TRPM2: variants seen among roughly 807,000 people sequenced by gnomAD.
TRPM2 encodes transient receptor potential cation channel subfamily M member 2, also known as estrogen-responsive element-associated gene 1 protein.
Under a neutral mutation model 174.0 loss-of-function variants are expected in TRPM2, and 161 were observed. The observed-to-expected ratio is 0.93, with a 90% CI of 0.81 to 1.05. TRPM2 has a LOEUF of 1.05. Ranked by LOEUF, TRPM2 falls within the 50% of genes least tolerant of loss-of-function variation. The pLI is 0.00. For synonymous variants in TRPM2, 954 were observed against 861.3 expected, an observed-to-expected ratio of 1.11 and a Z score of -1.88; for missense variants, 2,057 against 2,038.0, an observed-to-expected ratio of 1.01 and a Z score of -0.18.
At position 44,362,351 on chromosome 21, in the gene TRPM2, A is replaced by C. The variant is rs1316760174; in HGVS notation, c.255-1763A>C. Among the ~76,000 whole-genome samples, 30 of 147,866 alleles carry C rather than the reference A, an allele frequency of 2.0e-4. 1 individual carries two copies. In the South Asian group the frequency reaches 5.9e-3, roughly 29 times the overall value. On this transcript the variant is annotated intron_variant, in intron 2 of 31. Coordinates refer to ENST00000397928, the MANE Select transcript of TRPM2 (RefSeq NM_003307.4). The stretch of plus-strand genomic sequence containing the variant: ...AACCCCGTCTCTACTAAAAATACAA[A>C]AAAAAAAAAAAAAAGCCAGATGTGG...
intron 19 of TRPM2, among the ~76,000 whole-genome samples, chr21:44,407,173 GT>G (rs1480470396): frequency 6.9e-4 from 1 of 1,446 alleles, no homozygotes; most frequent in African/African-American, 2.4e-3. Flanking sequence ...TTTTGACAGG[GT>G]TTTGCTCTGT....
In TRPM2 at chr21:44,401,869, T is replaced by C; in HGVS notation, c.2510T>C (p.Phe837Ser). The C allele has an allele frequency of 6.2e-7, 1 of 1,613,826 alleles. No homozygotes were observed. Among genetic ancestry groups the C allele is most frequent in the Non-Finnish European group, 8.5e-7 (1 of 1,179,988 alleles). Residue 837 changes from phenylalanine (F) to serine (S), a missense_variant, in exon 16 of 32, where the codon TTC (phenylalanine) becomes TCC (serine). Transcript: ENST00000397928. ...WCECAIYLWL[F>S]SLVCEEMRQL... ...GAGTGTGCCATCTACCTCTGGCTCT[T>C]CTCCTTGGTGTGCGAGGAGATGCGG... is the stretch of plus-strand genomic sequence containing the variant.
At chr21:44,364,547 G>C (rs1339143897) in intron 3 of TRPM2, among the ~76,000 whole-genome samples, 1 of 152,192 alleles carries the variant, frequency 6.6e-6, no homozygotes, top group Non-Finnish European at 1.5e-5. Context: ...TGGGAGTGGT[G>C]AGTGAATTCT....
chr21:44,409,793 A>G (rs868414793), intron 19 of TRPM2, among the ~76,000 whole-genome samples: 124 of 83,932 alleles, frequency 1.5e-3, no homozygotes, highest in East Asian at 2.1e-3. Context: ...CTTGGTTGGC[A>G]TAGCCTTGTA....
chr21:44,385,797 G>A, intron 9 of TRPM2, among the ~76,000 whole-genome samples: 1 of 152,200 alleles, frequency 6.6e-6, no homozygotes, highest in African/African-American at 2.4e-5. Flanking sequence ...GTGACAGGAA[G>A]AAGAGGTGCC....
At chr21:44,395,245 C>T (rs1416006085) in intron 11 of TRPM2, among the ~76,000 whole-genome samples, 169 bp from the exon 12 acceptor site, 2 of 152,176 alleles carry the variant, frequency 1.3e-5, no homozygotes, top group South Asian at 2.1e-4. Flanking sequence ...CTTCAGTGTG[C>T]ATAAGAATGA....
At position 44,408,659 on chromosome 21, in the gene TRPM2, T is replaced by A. The variant is rs867929664; in HGVS notation, c.2962+1894T>A. Among the ~76,000 whole-genome samples, 1,473 of 148,090 alleles carry A rather than the reference T, an allele frequency of 9.9e-3. 28 individuals carry two copies. Among genetic ancestry groups the A allele is most frequent in the African/African-American group, 0.034 (1,357 of 39,906 alleles). On this transcript the variant is annotated intron_variant, in intron 19 of 31. Transcript: ENST00000397928. Reference sequence around the variant, plus strand: ...GTCTCTCCCTCTCCTTTGCCCTTTTTTTTTTTTTTTTTTTTTCCGACAGGG... The same window carrying A: ...GTCTCTCCCTCTCCTTTGCCCTTTTATTTTTTTTTTTTTTTTCCGACAGGG...
At chr21:44,426,491 C>A (rs2050783582) in intron 25 of TRPM2, among the ~76,000 whole-genome samples, 169 bp from the exon 26 acceptor site, 1 of 152,182 alleles carries the variant, frequency 6.6e-6, no homozygotes, top group Admixed American at 6.5e-5. Context: ...CCTGCCCAGC[C>A]CCCAGCTCTG....
At position 44,362,348 on chromosome 21, in the gene TRPM2, C is replaced by CA. The variant is rs57031573; in HGVS notation, c.255-1749dup. On this transcript the variant is annotated intron_variant, in intron 2 of 31. Coordinates refer to ENST00000397928, the MANE Select transcript of TRPM2 (RefSeq NM_003307.4). ...TGAAACCCCGTCTCTACTAAAAATACAAAAAAAAAAAAAAAAAGCCAGATG... is the reference window on the plus strand; with the variant it reads ...TGAAACCCCGTCTCTACTAAAAATACAAAAAAAAAAAAAAAAAAGCCAGATG... Among the ~76,000 whole-genome samples, 258 of 89,242 alleles carry CA rather than the reference C, an allele frequency of 2.9e-3. 1 individual carries two copies. Among genetic ancestry groups the CA allele is most frequent in the East Asian group, 0.016 (45 of 2,786 alleles). 58.5% of individuals were successfully genotyped at this position (89,242 alleles called of 152,430 possible).
rs1342311770 is a variant in TRPM2 at position 44,439,785 on chromosome 21, G to A, written c.4269+617G>A. On this transcript the variant is annotated intron_variant, in intron 30 of 31. Coordinates refer to ENST00000397928, the MANE Select transcript of TRPM2 (RefSeq NM_003307.4). This position sits in a 1 kb window ranked among gnomAD's most constrained non-coding sequence, Gnocchi z 5.1. ...CACCCAGGCTAGAGTGCAGTGGTGC[G>A]ATCTTGGCTTGCTGCAGCCTCCACC... 3.9e-5 allele frequency among the ~76,000 whole-genome samples: 6 copies of A among 152,094 alleles called. No homozygotes were observed. Among genetic ancestry groups the A allele is most frequent in the Non-Finnish European group, 8.8e-5 (6 of 68,024 alleles).
Position 44,405,899 on chromosome 21 carries a change from G to A in TRPM2, c.2658-6G>A, listed in dbSNP as rs373295368. ...TGAGATGTGTGTGCTTCTGCCCGGC[G>A]GCCAGGCTCATCCCGGCGACGCTGT... On this transcript the variant is annotated splice_region_variant and splice_polypyrimidine_tract_variant and intron_variant, in intron 17 of 31. Coordinates refer to ENST00000397928, the MANE Select transcript of TRPM2 (RefSeq NM_003307.4). The A allele has an allele frequency of 1.1e-4, 176 of 1,600,954 alleles. 1 individual carries two copies. The highest frequency in any genetic ancestry group is 1.1e-3 in the South Asian group (98 of 91,024).
intron 2 of TRPM2, among the ~76,000 whole-genome samples, chr21:44,356,257 G>A (rs561461254): frequency 5.3e-5 from 8 of 150,092 alleles, no homozygotes; most frequent in African/African-American, 2.0e-4. Flanking sequence ...TGCAAAACTC[G>A]CGGCCATGGA....
upstream of TRPM2, among the ~76,000 whole-genome samples, chr21:44,352,505 G>A (rs2122922257): frequency 0.045 from 6,790 of 152,288 alleles, 482 homozygotes; most frequent in African/African-American, 0.15. Context: ...AGTGACCGTC[G>A]TGTGTAGTGG....
intron 5 of TRPM2, among the ~76,000 whole-genome samples, chr21:44,374,297 CA>C (rs961234180): frequency 1.2e-4 from 18 of 152,174 alleles, no homozygotes; most frequent in Admixed American, 9.8e-4. Context: ...AGGCGTGAGC[CA>C]CCGTGCCTGG....
chr21:44,353,901 T>G (rs775869333), intron 1 of TRPM2, 36 bp downstream of exon 1: 2 of 1,585,226 alleles, frequency 1.3e-6, no homozygotes, highest in Non-Finnish European at 1.7e-6. Flanking sequence ...AGTTGGCACG[T>G]GGCCACGGAG....
intron 20 of TRPM2, 135 bp downstream of exon 20, chr21:44,414,209 C>T: frequency 8.5e-7 from 1 of 1,180,982 alleles, no homozygotes; most frequent in Non-Finnish European, 1.2e-6. Context: ...TCACTCATAT[C>T]CTGGTGGAGT....
chr21:44,396,892 CTGTGGAGGGGTGTGGAGGGG>C (rs1478631398), intron 12 of TRPM2, among the ~76,000 whole-genome samples: 6 of 11,890 alleles, frequency 5.0e-4, no homozygotes, highest in East Asian at 1.8e-3. Context: ...GTGTGGAGGG[CTGTGGAGGGGTGTGGAGGGG>C]TGTGGAGGGG....
Position 44,441,906 on chromosome 21 carries a change from C to A in TRPM2, c.*89C>A. ...CTCCTGAGCCTGGCCAGGACTCAGG[C>A]TGTTCCTGGGCCCTGCACATGATGG... is the stretch of plus-strand genomic sequence containing the variant. On this transcript the variant is annotated 3_prime_UTR_variant, in exon 32 of 32. Transcript: ENST00000397928. 2 of 1,474,290 alleles carry A rather than the reference C, an allele frequency of 1.4e-6. No individual in the cohort carries two copies. The highest frequency in any genetic ancestry group is 4.8e-5 in the East Asian group (2 of 41,278). 91.3% of individuals were successfully genotyped at this position (1,474,290 alleles called of 1,614,324 possible).
intron 27 of TRPM2, among the ~76,000 whole-genome samples, chr21:44,434,727 C>T (rs1601256412): frequency 6.6e-6 from 1 of 152,126 alleles, no homozygotes; most frequent in South Asian, 2.1e-4. Flanking sequence ...TGGCCTGGTT[C>T]CCACACTGCC....
Sources: gnomAD v4.1 joint callset for allele counts (sites outside exome capture counted in the v4.1 genomes callset) on GRCh38, gnomAD v4.1.1 for gene constraint, Gnocchi (gnomAD v3.1) non-coding constraint, MANE v1.5 for transcripts, NCBI Gene and HGNC (gene_info 2026-07-23, HGNC 2026-07-21) for gene names.